Variants in TRPC6 observed in about 807,000 individuals in gnomAD.
The protein encoded by TRPC6 is short transient receptor potential channel 6.
In TRPC6, 55 loss-of-function variants were observed where a neutral mutation model predicts 90.7. The ratio of observed to expected loss-of-function variants is 0.61; its 90% CI spans 0.49 to 0.76. The LOEUF is 0.76. Ranked by LOEUF, TRPC6 falls within the 30% of genes least tolerant of loss-of-function variation. TRPC6 has a pLI of 0.00. For missense variants in TRPC6, 989 were observed against 1,122.7 expected, an observed-to-expected ratio of 0.88 and a Z score of 1.70; for synonymous variants, 393 against 393.0, an observed-to-expected ratio of 1.00 and a Z score of 0.00.
At chr11:101,498,302 A>T (rs1346678678) in intron 2 of TRPC6, among the ~76,000 whole-genome samples, 1 of 152,190 alleles carries the variant, frequency 6.6e-6, no homozygotes, top group Non-Finnish European at 1.5e-5. Context: ...ATAAAGATTC[A>T]ATATAAAAAC....
intron 2 of TRPC6, among the ~76,000 whole-genome samples, chr11:101,497,572 T>C (rs903001613): frequency 6.6e-6 from 1 of 152,140 alleles, no homozygotes; most frequent in African/African-American, 2.4e-5. Flanking sequence ...TGGAGGGCCA[T>C]GTGCACATGC....
rs1371513549 is a variant in TRPC6, at chr11:101,583,450, A to G, written c.54T>C (p.Ala18=). 6.5e-7 allele frequency: 1 copy of G among 1,539,558 alleles called. No individual in the cohort carries two copies. The highest frequency in any genetic ancestry group is 8.8e-7 in the Non-Finnish European group (1 of 1,141,932). Reference sequence around the variant, plus strand: ...CGTTGCGCCGCGCAGCGGCTCCGGCAGCGCCCCGGGGAGAACTGCCCCTCC... The same window carrying G: ...CGTTGCGCCGCGCAGCGGCTCCGGCGGCGCCCCGGGGAGAACTGCCCCTCC... ...GPRRGSSPRG[A]AGAAARRNES... The change falls in exon 1 of 13, where the codon GCT becomes GCC. Residue 18 remains alanine, a synonymous_variant. Coordinates refer to ENST00000344327, the MANE Select transcript of TRPC6 (RefSeq NM_004621.6).
At chr11:101,461,308 T>C (rs570167473) in intron 10 of TRPC6, among the ~76,000 whole-genome samples, 1 of 152,330 alleles carries the variant, frequency 6.6e-6, no homozygotes, top group South Asian at 2.1e-4. Flanking sequence ...CTGATGCCTG[T>C]AATCCCAGCA....
chr11:101,526,293 C>A (rs762824637), intron 1 of TRPC6, among the ~76,000 whole-genome samples: 1 of 152,010 alleles, frequency 6.6e-6, no homozygotes, highest in Non-Finnish European at 1.5e-5. Context: ...CTCTCAGTGT[C>A]GATATCCATG....
chr11:101,550,864 AT>A (rs1861434302), intron 1 of TRPC6, among the ~76,000 whole-genome samples: 1 of 151,740 alleles, frequency 6.6e-6, no homozygotes, highest in Admixed American at 6.6e-5. Flanking sequence ...TTAACTATAC[AT>A]TCATTGAGCT....
rs145552655 is a variant in TRPC6 at position 101,583,078 on chromosome 11, G to A, written c.170+256C>T. 969 of 721,268 alleles carry A rather than the reference G, an allele frequency of 1.3e-3. 7 individuals carry two copies. In the African/African-American group the frequency reaches 0.015, roughly 11 times the overall value. 44.7% of individuals were successfully genotyped at this position (721,268 alleles called of 1,614,324 possible). The stretch of plus-strand genomic sequence containing the variant: ...ACCTGCAATGGTGGTGTTACTATGC[G>A]GTCTCACTCTCGTGGGCAAACATAT... On this transcript the variant is annotated intron_variant, in intron 1 of 12. Transcript: ENST00000344327.
intron 1 of TRPC6, among the ~76,000 whole-genome samples, chr11:101,518,779 G>C (rs1432465098): frequency 6.6e-6 from 1 of 152,204 alleles, no homozygotes; most frequent in African/African-American, 2.4e-5. Flanking sequence ...CTAAGATTTG[G>C]AAGCAACCTA....
chr11:101,470,830 T>A (rs2136668317), intron 9 of TRPC6, among the ~76,000 whole-genome samples: 1 of 103,118 alleles, frequency 9.7e-6, no homozygotes, highest in African/African-American at 3.2e-5. Flanking sequence ...CCCCGAGTCA[T>A]AACAAGCTGC....
intron 1 of TRPC6, among the ~76,000 whole-genome samples, chr11:101,540,621 A>T (rs1454292269): frequency 6.6e-6 from 1 of 152,214 alleles, no homozygotes; most frequent in East Asian, 1.9e-4. Flanking sequence ...CATCAATGTG[A>T]AGATGTTAGA....
intron 7 of TRPC6, 95 bp from the exon 8 acceptor site, chr11:101,472,427 A>G (rs1452582535): frequency 1.7e-6 from 2 of 1,203,526 alleles, no homozygotes; most frequent in East Asian, 2.6e-5. Flanking sequence ...GTGTCTGCAA[A>G]TTAGTGAGTA....
intron 6 of TRPC6, 112 bp downstream of exon 6, chr11:101,476,189 G>T: frequency 1.2e-6 from 1 of 861,636 alleles, no homozygotes; most frequent in Non-Finnish European, 1.9e-6. Context: ...TACAGATGTT[G>T]GAAACTCACA....
intron 12 of TRPC6, 131 bp from the exon 13 acceptor site, chr11:101,453,237 C>T (rs1009809207): frequency 8.6e-5 from 80 of 931,770 alleles, no homozygotes; most frequent in Non-Finnish European, 1.3e-4. Flanking sequence ...AAGGAAATAA[C>T]TTCCTAATTG....
chr11:101,553,462 C>T (rs1428190431), intron 1 of TRPC6, among the ~76,000 whole-genome samples: 1 of 152,052 alleles, frequency 6.6e-6, no homozygotes, highest in Non-Finnish European at 1.5e-5. Flanking sequence ...GCAAATATCT[C>T]CCGGCCTATT....
chr11:101,554,213 C>T (rs767047339), intron 1 of TRPC6, among the ~76,000 whole-genome samples: 1 of 152,138 alleles, frequency 6.6e-6, no homozygotes, highest in Non-Finnish European at 1.5e-5. Context: ...ATATTCTATA[C>T]TGTGTCTCTT....
intron 1 of TRPC6, among the ~76,000 whole-genome samples, chr11:101,563,069 T>C (rs546899086): frequency 4.1e-4 from 63 of 152,338 alleles, no homozygotes; most frequent in Middle Eastern, 3.4e-3. Context: ...TCTAGCCATA[T>C]ATAACAATTT....
At chr11:101,556,554 A>G (rs1165775822) in intron 1 of TRPC6, among the ~76,000 whole-genome samples, 1 of 152,188 alleles carries the variant, frequency 6.6e-6, no homozygotes, top group Non-Finnish European at 1.5e-5. Context: ...GAGATTGAAT[A>G]AATAACCAAT....
chr11:101,479,186 G>A (rs1254889413), intron 5 of TRPC6, among the ~76,000 whole-genome samples: 1 of 152,200 alleles, frequency 6.6e-6, no homozygotes, highest in Non-Finnish European at 1.5e-5. Flanking sequence ...CCAATTGGCT[G>A]CACGTGGCAC....
chr11:101,477,889 T>G (rs1282423774), intron 5 of TRPC6, among the ~76,000 whole-genome samples: 1 of 152,216 alleles, frequency 6.6e-6, no homozygotes, highest in African/African-American at 2.4e-5. Context: ...GAATCCCACT[T>G]TTTTAATTAA....
Position 101,504,072 on chromosome 11 carries a change from T to C in TRPC6, c.897A>G (p.Glu299=), listed in dbSNP as rs200519787. Reference sequence around the variant, plus strand: ...CCAGAACTGCCAGTTCATTGCTAAGTTCTAAAGCCGTCATGACTGGATCTT... The same window carrying C: ...CCAGAACTGCCAGTTCATTGCTAAGCTCTAAAGCCGTCATGACTGGATCTT... ...SSEDPVMTAL[E]LSNELAVLAN... Residue 299 remains glutamate, a synonymous_variant, in exon 2 of 13, where the codon GAA becomes GAG. Transcript: ENST00000344327. 1.9e-6 allele frequency: 3 copies of C among 1,614,044 alleles called. No homozygotes were observed. The highest frequency in any genetic ancestry group is 2.2e-5 in the South Asian group (2 of 91,078).
Sources: allele counts gnomAD v4.1 joint callset (sites outside exome capture counted in the v4.1 genomes callset), GRCh38; gene constraint gnomAD v4.1.1; transcripts MANE v1.5; gene names NCBI Gene and HGNC (gene_info 2026-07-23, HGNC 2026-07-21).